MRTFA: variants seen among roughly 807,000 people sequenced by gnomAD.
The protein encoded by MRTFA is myocardin-related transcription factor A.
MRTFA carries 20 observed loss-of-function variants against 83.5 expected under a neutral mutation model. The observed-to-expected ratio is 0.24, with a 90% CI of 0.17 to 0.35. The LOEUF (loss-of-function observed/expected upper bound fraction) is 0.35. MRTFA is among the 10% of genes least tolerant of loss of function. MRTFA has a pLI of 1.00. For missense variants in MRTFA, 1,200 were observed against 1,224.7 expected, an observed-to-expected ratio of 0.98 and a Z score of 0.30; for synonymous variants, 659 against 541.2, an observed-to-expected ratio of 1.22 and a Z score of -3.02.
At chr22:40,596,247 G>A (rs890136149) in intron 1 of MRTFA, among the ~76,000 whole-genome samples, 3 of 152,090 alleles carry the variant, frequency 2.0e-5, no homozygotes, top group Non-Finnish European at 2.9e-5. Flanking sequence ...GAGGCTGAGT[G>A]CCGTAGCTCA....
Position 40,410,352 on chromosome 22 carries a change from T to G in MRTFA, c.*1038A>C, listed in dbSNP as rs1024777806. 4 of 282,144 alleles carry G rather than the reference T, an allele frequency of 1.4e-5. No individual in the cohort carries two copies. Among genetic ancestry groups the G allele is most frequent in the Non-Finnish European group, 2.4e-5 (4 of 163,280 alleles). 17.5% of individuals were successfully genotyped at this position (282,144 alleles called of 1,614,324 possible). A position where few individuals can be genotyped will look rare whatever the true frequency, so the allele number is the denominator to read the frequency against. ...TCCCCATCTTTGTCCCAGCACTGGT[T>G]TTGGTGACTCCACCCCTACTCCCCT... On this transcript the variant is annotated 3_prime_UTR_variant, in exon 15 of 15. Transcript: ENST00000355630.
chr22:40,468,065 G>A (rs2053838031), intron 3 of MRTFA, among the ~76,000 whole-genome samples: 1 of 152,178 alleles, frequency 6.6e-6, no homozygotes, highest in African/African-American at 2.4e-5. Flanking sequence ...TCAAACAAAG[G>A]CATCAATTGC....
intron 4 of MRTFA, among the ~76,000 whole-genome samples, chr22:40,454,203 C>G (rs1186905692): frequency 6.6e-6 from 1 of 152,214 alleles, no homozygotes; most frequent in Non-Finnish European, 1.5e-5. Flanking sequence ...GTGGCACAAT[C>G]TCAGCTCCCA....
intron 8 of MRTFA, among the ~76,000 whole-genome samples, chr22:40,423,990 C>T (rs1005551553): frequency 6.6e-6 from 1 of 152,210 alleles, no homozygotes; most frequent in African/African-American, 2.4e-5. Flanking sequence ...TGGCCAGCGT[C>T]GTCCTCCACC....
intron 4 of MRTFA, among the ~76,000 whole-genome samples, chr22:40,443,722 C>G (rs944642877): frequency 2.0e-5 from 3 of 152,198 alleles, no homozygotes; most frequent in Non-Finnish European, 2.9e-5. Context: ...TCTAGACTTC[C>G]ATCCTTGCAA....
At chr22:40,562,697 G>T (rs1445314215) in intron 2 of MRTFA, among the ~76,000 whole-genome samples, 1 of 80,300 alleles carries the variant, frequency 1.2e-5, no homozygotes, top group Non-Finnish European at 2.5e-5. Context: ...GGGGAAAGAG[G>T]GGAAGAGGGA....
At position 40,432,246 on chromosome 22, in the gene MRTFA, C is replaced by CA. The variant is rs758592838; in HGVS notation, c.364-767dup. Among the ~76,000 whole-genome samples, 13 of 151,556 alleles carry CA rather than the reference C, an allele frequency of 8.6e-5. No homozygotes were observed. The South Asian group carries it at 2.7e-3, about 31-fold the overall frequency. On this transcript the variant is annotated intron_variant, in intron 5 of 14. Coordinates refer to ENST00000355630, the MANE Select transcript of MRTFA (RefSeq NM_020831.6). ...GGGCAACAAGAGCGAAACTCCGTCT[C>CA]AAAAAACAAACAAAAAAAACCAAAA...
intron 3 of MRTFA, among the ~76,000 whole-genome samples, chr22:40,493,406 C>A (rs754428730): frequency 8.5e-5 from 13 of 152,156 alleles, no homozygotes; most frequent in Non-Finnish European, 1.3e-4. Flanking sequence ...GTATAAGAAT[C>A]AAAAGTGTCA....
At chr22:40,612,522 G>A (rs2056398356) in intron 1 of MRTFA, among the ~76,000 whole-genome samples, 1 of 152,120 alleles carries the variant, frequency 6.6e-6, no homozygotes, top group African/African-American at 2.4e-5. Flanking sequence ...GTATTGACCT[G>A]GAGAGTACTT....
At chr22:40,485,269 T>G (rs921572063) in intron 3 of MRTFA, among the ~76,000 whole-genome samples, 1 of 152,142 alleles carries the variant, frequency 6.6e-6, no homozygotes, top group Non-Finnish European at 1.5e-5. Context: ...TTAACATCCA[T>G]CCCTAAGGAA....
At chr22:40,470,715 G>A (rs968680520) in intron 3 of MRTFA, among the ~76,000 whole-genome samples, 2 of 151,318 alleles carry the variant, frequency 1.3e-5, no homozygotes, top group Admixed American at 6.6e-5. Flanking sequence ...TTGGGACGCC[G>A]AGAAAGGCAG....
chr22:40,555,898 C>CA (rs1255539437), intron 2 of MRTFA, among the ~76,000 whole-genome samples: 1 of 152,012 alleles, frequency 6.6e-6, no homozygotes, highest in East Asian at 1.9e-4. Flanking sequence ...CTCAGCCTCC[C>CA]AAAGTGCTGG....
chr22:40,513,146 T>G lies in MRTFA; in HGVS notation c.241+38960A>C, dbSNP rs557070792. The stretch of plus-strand genomic sequence containing the variant: ...AGCTTATGAAAACAATTTTTGAAAC[T>G]GAGTAGTCTAAGCCAAAAGTGTTCA... On this transcript the variant is annotated intron_variant, in intron 3 of 14. Transcript: ENST00000355630. 2.6e-5 allele frequency among the ~76,000 whole-genome samples: 4 copies of G among 152,276 alleles called. No homozygotes were observed. In the East Asian group the frequency reaches 7.7e-4, roughly 29 times the overall value.
At chr22:40,421,600 A>G (rs372554738) in intron 9 of MRTFA, among the ~76,000 whole-genome samples, 2 of 152,156 alleles carry the variant, frequency 1.3e-5, no homozygotes, top group East Asian at 1.9e-4. Context: ...TCACAATGTG[A>G]TCTTGTTCTT....
At chr22:40,491,272 G>A (rs2147202399) in intron 3 of MRTFA, among the ~76,000 whole-genome samples, 1 of 152,260 alleles carries the variant, frequency 6.6e-6, no homozygotes, top group South Asian at 2.1e-4. Flanking sequence ...GGCCCAGGAG[G>A]TGGAGGTTGC....
At chr22:40,553,429 G>T (rs1022743745) in intron 2 of MRTFA, among the ~76,000 whole-genome samples, 1 of 152,174 alleles carries the variant, frequency 6.6e-6, no homozygotes, top group African/African-American at 2.4e-5. Context: ...CTCAGGACAT[G>T]GTGCCCTGAG....
At chr22:40,438,161 G>A (rs892444297) in intron 4 of MRTFA, among the ~76,000 whole-genome samples, 1 of 152,170 alleles carries the variant, frequency 6.6e-6, no homozygotes, top group African/African-American at 2.4e-5. Flanking sequence ...GGTGACATGG[G>A]TTTTGACTGC....
chr22:40,493,838 C>T (rs1187609313), intron 3 of MRTFA, among the ~76,000 whole-genome samples: 1 of 152,228 alleles, frequency 6.6e-6, no homozygotes, highest in East Asian at 1.9e-4. Flanking sequence ...TGAAAACATA[C>T]ATCCACATAA....
intron 3 of MRTFA, among the ~76,000 whole-genome samples, chr22:40,529,720 T>C (rs144871111): frequency 2.0e-5 from 3 of 152,248 alleles, no homozygotes; most frequent in African/African-American, 7.2e-5. Context: ...CTTAGAAAAC[T>C]TGAGTGTATA....
Sources: allele counts gnomAD v4.1 joint callset (sites outside exome capture counted in the v4.1 genomes callset), GRCh38; gene constraint gnomAD v4.1.1; transcripts MANE v1.5; gene names NCBI Gene and HGNC (gene_info 2026-07-23, HGNC 2026-07-21).